The following KPNA7 variants were observed in gnomAD, a reference collection of about 807,000 sequenced individuals.
KPNA7 encodes the protein karyopherin subunit alpha 7.
KPNA7 carries 54 observed loss-of-function variants against 53.7 expected under a neutral mutation model. The ratio of observed to expected loss-of-function variants is 1.01; its 90% CI spans 0.81 to 1.26. The LOEUF is 1.26. KPNA7 is among the 50% of genes most tolerant of loss of function. KPNA7 has a pLI of 0.00. For synonymous variants in KPNA7, 276 were observed against 259.3 expected (o/e 1.06, Z -0.62); for missense variants, 640 against 644.5 (o/e 0.99, Z 0.07).
At chr7:99,176,081 G>A (rs549592561) in intron 10 of KPNA7, among the ~76,000 whole-genome samples, 8 of 151,612 alleles carry the variant, frequency 5.3e-5, no homozygotes, top group East Asian at 4.0e-4. Flanking sequence ...GGCGGATCAC[G>A]AGGTCAGGAG....
intron 2 of KPNA7, among the ~76,000 whole-genome samples, chr7:99,204,357 G>T (rs1475633631): frequency 6.6e-6 from 1 of 151,594 alleles, no homozygotes; most frequent in Non-Finnish European, 1.5e-5. Context: ...GGGCAATAGA[G>T]CAAGACCCTG....
At chr7:99,149,787 G>T in the KPNA7 span, among the ~76,000 whole-genome samples, 2 of 151,932 alleles carry the variant, frequency 1.3e-5, no homozygotes, top group Non-Finnish European at 1.5e-5. Flanking sequence ...GTTGTTTTTT[G>T]TTGTTGTTGT....
chr7:99,207,038 G>A (rs536055536), intron 2 of KPNA7, among the ~76,000 whole-genome samples: 150 of 150,786 alleles, frequency 9.9e-4, no homozygotes, highest in African/African-American at 3.2e-3. Flanking sequence ...CCTGCCCCCC[G>A]CTATTTTTTT....
the KPNA7 span, among the ~76,000 whole-genome samples, chr7:99,151,984 A>G: frequency 2.2e-4 from 34 of 152,108 alleles, no homozygotes; most frequent in African/African-American, 8.2e-4. Context: ...GGAGATTGAG[A>G]TCATCCTGGC....
In KPNA7 at chr7:99,193,044, A is replaced by G; in HGVS notation, c.611T>C (p.Leu204Pro). The G allele has an allele frequency of 6.6e-7, 1 of 1,510,872 alleles. No individual in the cohort carries two copies. The highest frequency in any genetic ancestry group is 8.8e-7 in the Non-Finnish European group (1 of 1,131,998). 93.6% of individuals were successfully genotyped at this position (1,510,872 alleles called of 1,614,324 possible). A position where few individuals can be genotyped will look rare whatever the true frequency, so the allele number is the denominator to read the frequency against. ...VITSNAIPHL[L>P]ALISPTLPIT... The stretch of plus-strand genomic sequence containing the variant: ...CGGCAGGGTGGGTGAAATCAAGGCT[A>G]GGAGATGTGGGATGGCATTGCTTGT... The change falls in exon 6 of 11, where the codon CTA becomes CCA. Residue 204 changes from leucine (L) to proline (P), a missense_variant. Transcript: ENST00000327442.
At chr7:99,211,985 A>C (rs111559921), upstream of KPNA7, among the ~76,000 whole-genome samples, 1 of 152,070 alleles carries the variant, frequency 6.6e-6, no homozygotes, top group South Asian at 2.1e-4. Context: ...TCCCCAACCA[A>C]TGTGGACAAA....
intron 2 of KPNA7, among the ~76,000 whole-genome samples, chr7:99,204,862 T>C (rs1295901876): frequency 9.2e-5 from 14 of 151,638 alleles, no homozygotes; most frequent in Admixed American, 9.2e-4. Context: ...TATCAAATAA[T>C]AATAAAAGGA....
At chr7:99,178,124 ACT>A in intron 9 of KPNA7, 58 bp from the exon 10 acceptor site, 5 of 1,494,350 alleles carry the variant, frequency 3.3e-6, no homozygotes, top group South Asian at 2.5e-5. Context: ...GGGGATAGGG[ACT>A]CTGTCAGCCC....
At chr7:99,206,810 A>G (rs186809936) in intron 2 of KPNA7, among the ~76,000 whole-genome samples, 23 of 152,202 alleles carry the variant, frequency 1.5e-4, no homozygotes, top group South Asian at 6.2e-4. Flanking sequence ...GGGGTTCTGA[A>G]ATTAAATAAT....
intron 5 of KPNA7, among the ~76,000 whole-genome samples, chr7:99,194,341 T>G (rs35837680): frequency 0.036 from 5,443 of 152,218 alleles, 233 homozygotes; most frequent in African/African-American, 0.11. Flanking sequence ...GGAGTTTTTT[T>G]TTGTTGTTGT....
At chr7:99,177,631 T>C (rs1563064750) in intron 10 of KPNA7, among the ~76,000 whole-genome samples, 1 of 133,474 alleles carries the variant, frequency 7.5e-6, no homozygotes, top group South Asian at 2.6e-4. Flanking sequence ...TCCCCTGCCA[T>C]ACCTCTCCCA....
the KPNA7 span, among the ~76,000 whole-genome samples, chr7:99,167,613 C>CTT: frequency 1.5e-5 from 1 of 67,040 alleles, no homozygotes; most frequent in African/African-American, 6.6e-5. Flanking sequence ...TCACACCCAA[C>CTT]TTTTTTTTTT....
chr7:99,168,510 CTTATT>C, the KPNA7 span, among the ~76,000 whole-genome samples: 1 of 151,988 alleles, frequency 6.6e-6, no homozygotes, highest in Non-Finnish European at 1.5e-5. Flanking sequence ...GACTTGTTTC[CTTATT>C]TTTTCTTTTT....
intron 3 of KPNA7, 99 bp downstream of exon 3, chr7:99,203,007 G>A (rs557027438): frequency 1.6e-5 from 22 of 1,410,988 alleles, no homozygotes; most frequent in South Asian, 5.5e-5. Flanking sequence ...AGCCCAAAAC[G>A]AGAGTTTGCA....
intron 2 of KPNA7, among the ~76,000 whole-genome samples, chr7:99,203,865 C>T (rs1166059743): frequency 6.6e-6 from 1 of 152,000 alleles, no homozygotes; most frequent in Admixed American, 6.6e-5. Flanking sequence ...CATGTGTCAC[C>T]ACACTCGGCT....
At chr7:99,196,571 A>T (rs1218336952) in intron 3 of KPNA7, among the ~76,000 whole-genome samples, 1 of 152,216 alleles carries the variant, frequency 6.6e-6, no homozygotes, top group African/African-American at 2.4e-5. Flanking sequence ...CAATTGTTTT[A>T]TTCAAGCCAG....
In KPNA7 at chr7:99,207,496, G is replaced by T. The variant is rs998991263; in HGVS notation, c.-23-7C>A. 22 of 1,505,446 alleles carry T rather than the reference G, an allele frequency of 1.5e-5. No individual in the cohort carries two copies. The highest frequency in any genetic ancestry group is 2.0e-5 in the Non-Finnish European group (22 of 1,105,152). 93.3% of individuals were successfully genotyped at this position (1,505,446 alleles called of 1,614,324 possible). On this transcript the variant is annotated splice_region_variant and splice_polypyrimidine_tract_variant and intron_variant, in intron 1 of 10. Transcript: ENST00000327442. ...ACTGGAAGTAGTAAGTTACCTGCAG[G>T]TTGGACAGCAACAAAGAAATTTTCA...
chr7:99,184,154 CTTTTTTTTTT>C (rs34193595), intron 8 of KPNA7, among the ~76,000 whole-genome samples: 12 of 125,242 alleles, frequency 9.6e-5, no homozygotes, highest in Admixed American at 3.5e-4. Context: ...TGCCCACAAC[CTTTTTTTTTT>C]TTTTTTTTGA....
chr7:99,184,517 A>AT (rs1789474276), intron 8 of KPNA7, among the ~76,000 whole-genome samples: 2 of 152,104 alleles, frequency 1.3e-5, no homozygotes, highest in African/African-American at 2.4e-5. Context: ...TACCACTTTA[A>AT]TCAATTTAAC....
Sources: allele counts gnomAD v4.1 joint callset (sites outside exome capture counted in the v4.1 genomes callset), GRCh38; gene constraint gnomAD v4.1.1; transcripts MANE v1.5; gene names NCBI Gene and HGNC (gene_info 2026-07-23, HGNC 2026-07-21).